The following NINJ2 variants were observed in gnomAD, a reference collection of about 807,000 sequenced individuals.
The protein encoded by NINJ2 is ninjurin-2.
NINJ2 carries 12 observed loss-of-function variants against 11.7 expected under a neutral mutation model. That is an observed-to-expected ratio of 1.02 (90% CI 0.66 to 1.66). The LOEUF is 1.66. NINJ2 is among the 40% of genes most tolerant of loss of function. NINJ2 has a pLI of 0.00. For missense variants in NINJ2, 187 were observed against 181.8 expected (o/e 1.03, Z -0.16); for synonymous variants, 93 against 76.8 (o/e 1.21, Z -1.10).
Position 591,550 on chromosome 12 carries a change from C to T in NINJ2, c.34-25372G>A, listed in dbSNP as rs1173044406. Among the ~76,000 whole-genome samples, 1 of 152,152 alleles carries T rather than the reference C, an allele frequency of 6.6e-6. No individual in the cohort carries two copies. The highest frequency in any genetic ancestry group is 1.5e-5 in the Non-Finnish European group (1 of 68,030). On this transcript the variant is annotated intron_variant, in intron 1 of 3. Coordinates refer to ENST00000305108, the MANE Select transcript of NINJ2 (RefSeq NM_016533.6). The surrounding 1 kb of genome is among the most constrained non-coding windows in gnomAD (Gnocchi z 5.0). ...GGGGGCAACTCTGATTGCAGAAGCTCTCTGGATGGGCAGTGCTAGCGGAGT... is the reference window on the plus strand; with the variant it reads ...GGGGGCAACTCTGATTGCAGAAGCTTTCTGGATGGGCAGTGCTAGCGGAGT...
intron 1 of NINJ2, 37 bp from the exon 2 acceptor site, chr12:566,215 T>C: frequency 6.4e-7 from 1 of 1,558,304 alleles, no homozygotes; most frequent in Non-Finnish European, 8.8e-7. Flanking sequence ...CAAGGGGAGC[T>C]CTGGAAGGGA....
intron 1 of NINJ2, among the ~76,000 whole-genome samples, chr12:568,753 G>C (rs1947336203): frequency 1.3e-5 from 2 of 152,212 alleles, no homozygotes; most frequent in Admixed American, 1.3e-4. Context: ...AATCAGGAGT[G>C]TGCACTTTGG....
chr12:582,125 G>C (rs968288387), intron 1 of NINJ2, among the ~76,000 whole-genome samples: 1 of 152,220 alleles, frequency 6.6e-6, no homozygotes, highest in Non-Finnish European at 1.5e-5. Flanking sequence ...TTGAACCCGG[G>C]TCTGTCCTCA....
intron 1 of NINJ2, among the ~76,000 whole-genome samples, chr12:592,118 G>T (rs1947724530): frequency 6.6e-6 from 1 of 152,116 alleles, no homozygotes; most frequent in Non-Finnish European, 1.5e-5. Flanking sequence ...GTCAAGTCTG[G>T]CTTTACTGCC....
At chr12:619,711 G>T (rs1948131444) in intron 1 of NINJ2, among the ~76,000 whole-genome samples, 1 of 152,192 alleles carries the variant, frequency 6.6e-6, no homozygotes, top group African/African-American at 2.4e-5. Flanking sequence ...CTTGGGAAAA[G>T]GGGTAGCAAA....
chr12:576,193 G>A (rs1396047708), intron 1 of NINJ2, among the ~76,000 whole-genome samples: 2 of 152,216 alleles, frequency 1.3e-5, no homozygotes, highest in Non-Finnish European at 2.9e-5. Flanking sequence ...GCCCCGAGCT[G>A]CAAACTGGGG....
chr12:630,603 C>G (rs1948267842), intron 1 of NINJ2, among the ~76,000 whole-genome samples: 1 of 152,228 alleles, frequency 6.6e-6, no homozygotes, highest in African/African-American at 2.4e-5. Context: ...TCTCGAACTC[C>G]TGGCCTCAGG....
At chr12:647,714 G>A (rs1267254361) in intron 1 of NINJ2, among the ~76,000 whole-genome samples, 3 of 152,216 alleles carry the variant, frequency 2.0e-5, no homozygotes, top group Non-Finnish European at 1.5e-5. Context: ...TAAGACCTTA[G>A]TATGCATCGG....
At chr12:623,035 TGCTGTTGTAG>T (rs1183677432) in intron 1 of NINJ2, among the ~76,000 whole-genome samples, 1 of 152,178 alleles carries the variant, frequency 6.6e-6, no homozygotes, top group Non-Finnish European at 1.5e-5. Context: ...TATCCCAAAA[TGCTGTTGTAG>T]GCTTCTTAGA....
At chr12:654,903 AAG>A (rs200975453) in intron 1 of NINJ2, among the ~76,000 whole-genome samples, 3,871 of 151,902 alleles carry the variant, frequency 0.025, 59 homozygotes, top group South Asian at 0.039. Context: ...AAAAAAAAAA[AAG>A]AGAATAAAAT....
chr12:613,303 T>C (rs1190465038), intron 1 of NINJ2, among the ~76,000 whole-genome samples: 2 of 152,260 alleles, frequency 1.3e-5, no homozygotes, highest in Non-Finnish European at 2.9e-5. Flanking sequence ...CTAAATCTCA[T>C]CACGCATTTT....
At chr12:597,629 G>A (rs1364285404) in intron 1 of NINJ2, among the ~76,000 whole-genome samples, 4 of 152,274 alleles carry the variant, frequency 2.6e-5, no homozygotes, top group Non-Finnish European at 5.9e-5. Context: ...AAGTCTCGAA[G>A]ACATTGCGTC....
chr12:653,271 T>G (rs899966916), intron 1 of NINJ2, among the ~76,000 whole-genome samples: 1 of 152,010 alleles, frequency 6.6e-6, no homozygotes, highest in Non-Finnish European at 1.5e-5. Context: ...TGCCCGCCTC[T>G]GCCTCCCAAA....
Position 628,087 on chromosome 12 carries a change from A to G in NINJ2, c.33+35241T>C, listed in dbSNP as rs1948230105. On this transcript the variant is annotated intron_variant, in intron 1 of 3. Transcript: ENST00000305108. This position sits in a 1 kb window ranked among gnomAD's most constrained non-coding sequence, Gnocchi z 4.4. Reference sequence around the variant, plus strand: ...GTGAAAAGACTGGCCATGGGGACAGAGAGCTGGATCCAAAGGTCAAGGCTG... The same window carrying G: ...GTGAAAAGACTGGCCATGGGGACAGGGAGCTGGATCCAAAGGTCAAGGCTG... Among the ~76,000 whole-genome samples, 2 of 152,204 alleles carry G rather than the reference A, an allele frequency of 1.3e-5. No homozygotes were observed. Among genetic ancestry groups the G allele is most frequent in the Admixed American group, 1.3e-4 (2 of 15,288 alleles).
chr12:605,888 T>G (rs1240610499), intron 1 of NINJ2, among the ~76,000 whole-genome samples: 1 of 151,872 alleles, frequency 6.6e-6, no homozygotes, highest in Non-Finnish European at 1.5e-5. Flanking sequence ...AAAGCCTACA[T>G]GAAAGATGGA....
chr12:636,445 C>T (rs1197039812), intron 1 of NINJ2, among the ~76,000 whole-genome samples: 1 of 151,690 alleles, frequency 6.6e-6, no homozygotes, highest in Admixed American at 6.6e-5. Flanking sequence ...AGACAACCTA[C>T]AGAATGGGAG....
chr12:590,759 C>T (rs919228294), intron 1 of NINJ2: 2 of 136,662 alleles, frequency 1.5e-5, no homozygotes, highest in African/African-American at 5.4e-5. Flanking sequence ...AGGACACTAG[C>T]ACTTACTATC....
intron 1 of NINJ2, among the ~76,000 whole-genome samples, chr12:627,175 G>T (rs956952099): frequency 3.9e-5 from 6 of 152,032 alleles, no homozygotes; most frequent in Non-Finnish European, 8.8e-5. Context: ...TATTATTTTT[G>T]AATTAAATCA....
intron 1 of NINJ2, among the ~76,000 whole-genome samples, chr12:602,692 A>T (rs543570952): frequency 6.6e-6 from 1 of 152,336 alleles, no homozygotes; most frequent in Admixed American, 6.5e-5. Context: ...TGCTTTCCAA[A>T]GTGGCTGCAC....
Sources: allele counts gnomAD v4.1 joint callset (sites outside exome capture counted in the v4.1 genomes callset), GRCh38; gene constraint gnomAD v4.1.1; non-coding constraint Gnocchi (gnomAD v3.1); transcripts MANE v1.5; gene names NCBI Gene and HGNC (gene_info 2026-07-23, HGNC 2026-07-21).